The following RASSF3 variants were observed in gnomAD, a reference collection of about 807,000 sequenced individuals.
The protein encoded by RASSF3 is ras association domain-containing protein 3.
A neutral mutation model predicts 19.9 loss-of-function variants in RASSF3; 19 were observed. The ratio of observed to expected loss-of-function variants is 0.96; its 90% confidence interval spans 0.67 to 1.40. RASSF3 has a LOEUF of 1.40. Among genes scored for constraint, RASSF3 ranks in the 40% most tolerant of loss-of-function variants. The pLI is 0.00. For synonymous variants in RASSF3, 110 were observed against 104.2 expected, an observed-to-expected ratio of 1.06 and a Z score of -0.34; for missense variants, 306 against 289.8, an observed-to-expected ratio of 1.06 and a Z score of -0.41.
At chr12:64,511,851 A>C (rs531491052) in intron 1 of RASSF3, among the ~76,000 whole-genome samples, 1 of 152,338 alleles carries the variant, frequency 6.6e-6, no homozygotes, top group East Asian at 1.9e-4. Context: ...CAGAGCTAGA[A>C]GACCTAGCTG....
chr12:64,624,888 C>T lies in RASSF3; in HGVS notation c.111+14145C>T, dbSNP rs574914624. Among the ~76,000 whole-genome samples the T allele has an allele frequency of 4.4e-3, 653 of 149,936 alleles. 5 individuals are homozygous for T. Among genetic ancestry groups the T allele is most frequent in the African/African-American group, 0.016 (632 of 40,762 alleles). ...TTGACTGTGTTAGCCAGGATGGTCT[C>T]GATCTCCTGACTTCGCGATCTGCCC... On this transcript the variant is annotated intron_variant, in intron 1 of 4. Coordinates refer to ENST00000542104, the MANE Select transcript of RASSF3 (RefSeq NM_178169.4).
At chr12:64,534,324 C>T (rs1026433925) in intron 1 of RASSF3, among the ~76,000 whole-genome samples, 2 of 152,002 alleles carry the variant, frequency 1.3e-5, no homozygotes, top group East Asian at 3.9e-4. Context: ...ACAACAACGA[C>T]ACTAACAACA....
rs1868388731 is a variant in RASSF3 at position 64,697,072 on chromosome 12, T to C, written c.*2160T>C. 3 of 151,776 alleles carry C rather than the reference T, an allele frequency of 2.0e-5. No individual in the cohort carries two copies. Among genetic ancestry groups the C allele is most frequent in the African/African-American group, 4.8e-5 (2 of 41,324 alleles). The allele number at this position is 151,776 out of a possible 1,614,324, so 9.4% of individuals were successfully genotyped here. On this transcript the variant is annotated 3_prime_UTR_variant, in exon 5 of 5. Coordinates refer to ENST00000542104, the MANE Select transcript of RASSF3 (RefSeq NM_178169.4). ...TGGGTATCTGTGAATTTTTTTTTTT[T>C]TTTTTTTTTTACTTGAAGTAGATTG...
Position 64,691,569 on chromosome 12 carries a change from A to T in RASSF3, c.557A>T (p.Glu186Val). The T allele has an allele frequency of 6.3e-7, 1 of 1,584,696 alleles. No individual in the cohort carries two copies. Among genetic ancestry groups the T allele is most frequent in the Non-Finnish European group, 8.6e-7 (1 of 1,161,518 alleles). ...CTTAGTTTTGTTCTTCGTGAACATG[A>T]AATTGGAGAGGTAAGTTATTGTTCA... ...DTLSFVLREH[E>V]IGEWEAFSLP... The change falls in exon 4 of 5, where the codon GAA (glutamate) becomes GTA (valine). Residue 186 changes from glutamate (E) to valine (V), a missense_variant. Glu to Val is a moderately radical substitution (Grantham distance 121). Coordinates refer to ENST00000542104, the MANE Select transcript of RASSF3 (RefSeq NM_178169.4).
upstream of RASSF3, among the ~76,000 whole-genome samples, chr12:64,609,735 A>G (rs1054555070): frequency 1.3e-5 from 2 of 151,416 alleles, no homozygotes; most frequent in African/African-American, 4.9e-5. Flanking sequence ...TGTGGCGGGG[A>G]CATTTACAAA....
At chr12:64,688,585 A>G (rs1873452496) in intron 3 of RASSF3, 132 bp downstream of exon 3, 2 of 726,318 alleles carry the variant, frequency 2.8e-6, no homozygotes, top group Non-Finnish European at 4.8e-6. Context: ...GCTGGAAGCC[A>G]TGGTGATCTT....
intron 1 of RASSF3, among the ~76,000 whole-genome samples, chr12:64,611,993 A>T (rs1392067764): frequency 6.6e-6 from 1 of 152,128 alleles, no homozygotes; most frequent in Non-Finnish European, 1.5e-5. Flanking sequence ...CCGGTGCCAT[A>T]GTTGTCCGTC....
chr12:64,656,029 A>G (rs75822387), intron 1 of RASSF3, among the ~76,000 whole-genome samples: 5 of 55,088 alleles, frequency 9.1e-5, no homozygotes, highest in East Asian at 3.2e-4. Context: ...TTTGTCTCAG[A>G]AAAAAAAAAA....
At position 64,581,440 on chromosome 12, in the gene RASSF3, C is replaced by T. The variant is rs535963029; in HGVS notation, c.294+39735C>T. On this transcript the variant is annotated intron_variant, in intron 2 of 5. Coordinates refer to the RASSF3 transcript ENST00000637125. ...ATAATACAACTTGAAAGTAGTCATG[C>T]TTTTCAAGCCTGTAAGCCCAGCCCT... Among the ~76,000 whole-genome samples, 4 of 152,246 alleles carry T rather than the reference C, an allele frequency of 2.6e-5. No individual in the cohort carries two copies. In the South Asian group the frequency reaches 6.2e-4, roughly 24 times the overall value.
At chr12:64,653,400 T>C (rs955720474) in intron 1 of RASSF3, among the ~76,000 whole-genome samples, 3 of 152,204 alleles carry the variant, frequency 2.0e-5, no homozygotes, top group African/African-American at 7.2e-5. Flanking sequence ...CCCCTTTTCT[T>C]AGGGACATCA....
intron 2 of RASSF3, among the ~76,000 whole-genome samples, chr12:64,599,653 C>T (rs1346266165): frequency 6.6e-6 from 1 of 152,052 alleles, no homozygotes; most frequent in East Asian, 1.9e-4. Context: ...GCTGCCTTGC[C>T]GCTTGCCGTT....
chr12:64,678,491 G>T (rs1399284168), intron 1 of RASSF3, among the ~76,000 whole-genome samples: 1 of 152,088 alleles, frequency 6.6e-6, no homozygotes, highest in Non-Finnish European at 1.5e-5. Context: ...GCAGTGTGAT[G>T]GTACCACTTA....
chr12:64,641,065 A>G (rs11175490), intron 1 of RASSF3, among the ~76,000 whole-genome samples: 11,094 of 152,204 alleles, frequency 0.073, 486 homozygotes, highest in Non-Finnish European at 0.1. Context: ...TTTAACGTCA[A>G]TCATCGTTTG....
chr12:64,680,422 G>GTGT (rs2136215409), intron 1 of RASSF3, among the ~76,000 whole-genome samples: 1 of 151,960 alleles, frequency 6.6e-6, no homozygotes, highest in East Asian at 2.0e-4. Flanking sequence ...GACGGGCGTG[G>GTGT]TGTCTGCTGC....
chr12:64,645,279 T>G (rs953023017), intron 1 of RASSF3, among the ~76,000 whole-genome samples: 10 of 152,230 alleles, frequency 6.6e-5, no homozygotes, highest in Admixed American at 5.2e-4. Flanking sequence ...ATTGAATATG[T>G]GTATCATCAC....
chr12:64,675,407 C>A (rs1412466012), intron 1 of RASSF3, among the ~76,000 whole-genome samples: 1 of 152,130 alleles, frequency 6.6e-6, no homozygotes, highest in Non-Finnish European at 1.5e-5. Context: ...ATCTCGGCCT[C>A]CCAAAGTGCT....
intron 1 of RASSF3, among the ~76,000 whole-genome samples, chr12:64,665,980 C>T (rs1201517655): frequency 6.6e-6 from 1 of 152,192 alleles, no homozygotes; most frequent in Non-Finnish European, 1.5e-5. Context: ...GAACAAGGGC[C>T]CTCAAAGGGC....
chr12:64,617,897 A>G (rs554828142), intron 1 of RASSF3, among the ~76,000 whole-genome samples: 5 of 152,256 alleles, frequency 3.3e-5, no homozygotes, highest in Admixed American at 2.6e-4. Flanking sequence ...GTGGAAGTGT[A>G]TCACTTCCTG....
chr12:64,599,496 T>C (rs182120863), intron 2 of RASSF3, among the ~76,000 whole-genome samples: 20 of 152,298 alleles, frequency 1.3e-4, no homozygotes, highest in Admixed American at 5.2e-4. Flanking sequence ...TCTAATAACA[T>C]ATTTCAAATC....
Sources: allele counts gnomAD v4.1 joint callset (sites outside exome capture counted in the v4.1 genomes callset), GRCh38; gene constraint gnomAD v4.1.1; transcripts MANE v1.5; gene names NCBI Gene and HGNC (gene_info 2026-07-23, HGNC 2026-07-21).